The following MECOM variants were observed in gnomAD, a reference collection of about 807,000 sequenced individuals.
The protein encoded by MECOM is histone-lysine N-methyltransferase MECOM.
MECOM carries 13 observed loss-of-function variants against 116.3 expected under a neutral mutation model. The observed-to-expected ratio is 0.11, with a 90% confidence interval of 0.07 to 0.18. The LOEUF is 0.18. MECOM is among the 10% of genes least tolerant of loss of function. The pLI, the probability that MECOM is intolerant of heterozygous loss-of-function variation, is 1.00. For synonymous variants in MECOM, 528 were observed against 535.2 expected, an observed-to-expected ratio of 0.99 and a Z score of 0.19; for missense variants, 1,299 against 1,509.0, an observed-to-expected ratio of 0.86 and a Z score of 2.31.
At chr3:169,643,824 A>C (rs1773797219) in intron 1 of MECOM, among the ~76,000 whole-genome samples, 2 of 152,224 alleles carry the variant, frequency 1.3e-5, no homozygotes, top group Admixed American at 6.5e-5. Flanking sequence ...TATTTAACAC[A>C]GTGAAAATGA....
At chr3:169,300,976 C>T (rs896214672) in intron 2 of MECOM, among the ~76,000 whole-genome samples, 3 of 152,192 alleles carry the variant, frequency 2.0e-5, no homozygotes, top group Admixed American at 6.5e-5. Flanking sequence ...AGTTCTGTTT[C>T]TCGTGCTGTC....
chr3:169,327,751 T>TA (rs2149766507), intron 2 of MECOM, among the ~76,000 whole-genome samples: 2 of 152,230 alleles, frequency 1.3e-5, no homozygotes, highest in Non-Finnish European at 2.9e-5. Context: ...TATAATTCGA[T>TA]AGACATTACA....
At chr3:169,097,354 C>T (rs1017458019) in intron 12 of MECOM, among the ~76,000 whole-genome samples, 3 of 151,848 alleles carry the variant, frequency 2.0e-5, no homozygotes, top group African/African-American at 4.8e-5. Flanking sequence ...AAAGAATGTT[C>T]TAAATAAAAA....
rs541472050 is a variant in MECOM at position 169,577,233 on chromosome 3, C to A, written c.37+86103G>T. ...CGTATAAAGAAAACTTAGTACAGTG[C>A]CCAGCACATAGTAAGTGCTTAAAAA... is the stretch of plus-strand genomic sequence containing the variant. On this transcript the variant is annotated intron_variant, in intron 1 of 16. Coordinates refer to ENST00000651503, the MANE Select transcript of MECOM (RefSeq NM_004991.4). Among the ~76,000 whole-genome samples, 34 of 152,314 alleles carry A rather than the reference C, an allele frequency of 2.2e-4. No individual in the cohort carries two copies. The South Asian group carries it at 6.4e-3, about 29-fold the overall frequency.
intron 2 of MECOM, among the ~76,000 whole-genome samples, chr3:169,163,849 G>A (rs1314522592): frequency 6.6e-6 from 1 of 151,728 alleles, no homozygotes; most frequent in Non-Finnish European, 1.5e-5. Context: ...CCTAATCTCA[G>A]TTTAGTAATA....
intron 2 of MECOM, among the ~76,000 whole-genome samples, chr3:169,308,086 A>T (rs1718040483): frequency 6.6e-6 from 1 of 152,226 alleles, no homozygotes. Flanking sequence ...AGCAAGGTAG[A>T]TTCTCCTTCA....
chr3:169,515,924 TG>T (rs1197046058), intron 1 of MECOM, among the ~76,000 whole-genome samples: 2 of 152,142 alleles, frequency 1.3e-5, no homozygotes, highest in African/African-American at 2.4e-5. Context: ...TTCATCTGAC[TG>T]GGGGGAAAAT....
chr3:169,155,514 T>C (rs1395238223), intron 2 of MECOM, among the ~76,000 whole-genome samples: 1 of 152,110 alleles, frequency 6.6e-6, no homozygotes, highest in Admixed American at 6.5e-5. Flanking sequence ...GTGGCATTTT[T>C]ACACCAAACA....
chr3:169,512,455 G>A (rs1382695008), intron 1 of MECOM, among the ~76,000 whole-genome samples: 3 of 152,154 alleles, frequency 2.0e-5, no homozygotes, highest in Non-Finnish European at 4.4e-5. Flanking sequence ...TGCAGTAAGC[G>A]TAAGAACAAA....
intron 2 of MECOM, among the ~76,000 whole-genome samples, chr3:169,366,398 A>G (rs1466955770): frequency 6.9e-6 from 1 of 145,926 alleles, no homozygotes; most frequent in Non-Finnish European, 1.5e-5. Context: ...TCAAACTAGG[A>G]AAAAAAAAAC....
At chr3:169,118,054 C>G (rs1487767654) in intron 7 of MECOM, among the ~76,000 whole-genome samples, 1 of 151,774 alleles carries the variant, frequency 6.6e-6, no homozygotes, top group African/African-American at 2.4e-5. Context: ...TGATGGCTGC[C>G]TTTAAGTGCA....
intron 3 of MECOM, among the ~76,000 whole-genome samples, chr3:169,138,042 A>C (rs756702448): frequency 2.6e-5 from 4 of 152,104 alleles, no homozygotes; most frequent in Non-Finnish European, 5.9e-5. Context: ...CCATCATTAC[A>C]TTACAAAGAA....
chr3:169,610,523 G>GTATA (rs200334163), intron 1 of MECOM, among the ~76,000 whole-genome samples: 4 of 141,142 alleles, frequency 2.8e-5, no homozygotes, highest in Admixed American at 2.1e-4. Flanking sequence ...GTGTGTGTGT[G>GTATA]TGTGTATAAT....
intron 2 of MECOM, among the ~76,000 whole-genome samples, chr3:169,332,008 A>T (rs1350809111): frequency 2.7e-5 from 2 of 73,096 alleles, no homozygotes; most frequent in East Asian, 7.0e-4. Context: ...TTTTATTTAA[A>T]AAAAAAAAAA....
At chr3:169,517,351 A>G (rs1037604026) in intron 1 of MECOM, among the ~76,000 whole-genome samples, 5 of 152,210 alleles carry the variant, frequency 3.3e-5, no homozygotes, top group Admixed American at 3.3e-4. Context: ...TTTGTAAGGT[A>G]ATAGATTTAT....
chr3:169,157,955 C>T (rs182470809), intron 2 of MECOM, among the ~76,000 whole-genome samples: 10 of 152,248 alleles, frequency 6.6e-5, no homozygotes, highest in Admixed American at 4.6e-4. Flanking sequence ...ATGTGGAGAA[C>T]ATTGAAATGA....
Position 169,594,174 on chromosome 3 carries a change from A to AAAAAAAAAAAAAAAAAACC in MECOM, c.37+69161_37+69162insGGTTTTTTTTTTTTTTTTT, listed in dbSNP as rs1255613781. Reference sequence around the variant, plus strand: ...CACCACAAAAAAAAAAAAAAAAAAAAAACACCTTTTCACCTAAGTACCTCA... The same window carrying AAAAAAAAAAAAAAAAAACC: ...CACCACAAAAAAAAAAAAAAAAAAAAAAAAAAAAAAAAAAAAACCAACACCTTTTCACCTAAGTACCTCA... On this transcript the variant is annotated intron_variant, in intron 1 of 16. Transcript: ENST00000651503. Among the ~76,000 whole-genome samples the AAAAAAAAAAAAAAAAAACC allele has an allele frequency of 5.8e-4, 73 of 125,958 alleles. 2 individuals carry two copies. Among genetic ancestry groups the AAAAAAAAAAAAAAAAAACC allele is most frequent in the African/African-American group, 2.1e-3 (66 of 31,100 alleles). 82.6% of individuals were successfully genotyped at this position (125,958 alleles called of 152,430 possible). A position where few individuals can be genotyped will look rare whatever the true frequency, so the allele number is the denominator to read the frequency against.
intron 1 of MECOM, among the ~76,000 whole-genome samples, chr3:169,471,705 C>T (rs563687648): frequency 6.6e-6 from 1 of 152,214 alleles, no homozygotes; most frequent in Non-Finnish European, 1.5e-5. Flanking sequence ...TTCTTTCCTC[C>T]TGGCTCCTCA....
intron 8 of MECOM, among the ~76,000 whole-genome samples, chr3:169,114,915 T>C (rs949728712): frequency 6.6e-6 from 1 of 152,138 alleles, no homozygotes; most frequent in African/African-American, 2.4e-5. Flanking sequence ...GAGATTTATT[T>C]AGAAACAATA....
Sources: gnomAD v4.1 joint callset for allele counts (sites outside exome capture counted in the v4.1 genomes callset) on GRCh38, gnomAD v4.1.1 for gene constraint, MANE v1.5 for transcripts, NCBI Gene and HGNC (gene_info 2026-07-23, HGNC 2026-07-21) for gene names.